The following TEX11 variants were observed in gnomAD, a reference collection of about 807,000 sequenced individuals.
TEX11 encodes the protein testis-expressed protein 11.
Under a neutral mutation model 84.4 loss-of-function variants are expected in TEX11, and 7 were observed. The ratio of observed to expected loss-of-function variants is 0.08; its 90% CI spans 0.05 to 0.16. TEX11 has a LOEUF of 0.16. Ranked by LOEUF, TEX11 falls within the 10% of genes least tolerant of loss-of-function variation. The pLI, the probability that TEX11 is intolerant of heterozygous loss-of-function variation, is 1.00. For missense variants in TEX11, 551 were observed against 660.5 expected (o/e 0.83, Z 1.82); for synonymous variants, 264 against 222.8 (o/e 1.18, Z -1.64).
chrX:70,669,046 G>T (rs1270088270), intron 16 of TEX11, among the ~76,000 whole-genome samples: 1 of 112,072 alleles, frequency 8.9e-6, no homozygotes, highest in African/African-American at 3.2e-5. Flanking sequence ...CCAACATTTA[G>T]ATTTCTCTCA....
chrX:70,735,179 A>C (rs2090686284), intron 11 of TEX11, among the ~76,000 whole-genome samples: 1 of 110,919 alleles, frequency 9.0e-6, no homozygotes. Flanking sequence ...CAGCTTCCCA[A>C]ATAGCTGGGA....
intron 9 of TEX11, among the ~76,000 whole-genome samples, chrX:70,765,955 A>G (rs900939779): frequency 8.9e-6 from 1 of 112,761 alleles, no homozygotes. Flanking sequence ...CAAAATCAAC[A>G]TATAAAAATC....
At chrX:70,719,037 T>C (rs758574465) in intron 13 of TEX11, among the ~76,000 whole-genome samples, 44 of 111,644 alleles carry the variant, frequency 3.9e-4, no homozygotes, top group African/African-American at 1.4e-3. Flanking sequence ...CAACCCAACC[T>C]GTGACAACAC....
At chrX:70,603,396 C>T (rs1187003646) in intron 24 of TEX11, among the ~76,000 whole-genome samples, 1 of 102,127 alleles carries the variant, frequency 9.8e-6, no homozygotes, top group Non-Finnish European at 2.0e-5. Context: ...AGAAATAACG[C>T]CGCATATCTA....
At chrX:70,769,258 T>C (rs1421827467) in intron 9 of TEX11, among the ~76,000 whole-genome samples, 2 of 110,821 alleles carry the variant, frequency 1.8e-5, no homozygotes, top group Admixed American at 1.9e-4. Context: ...TAAAAAACAA[T>C]AGAGAAAAAT....
intron 19 of TEX11, 69 bp from the exon 20 acceptor site, chrX:70,624,075 C>A (rs766056461): frequency 1.2e-6 from 1 of 868,131 alleles, no homozygotes; most frequent in Admixed American, 2.5e-5. Flanking sequence ...GAATACATAC[C>A]AAGTTACTAA....
At chrX:70,744,456 C>A (rs2090755619) in intron 9 of TEX11, among the ~76,000 whole-genome samples, 1 of 108,097 alleles carries the variant, frequency 9.3e-6, no homozygotes, top group Non-Finnish European at 1.9e-5. Flanking sequence ...ATCAACACTA[C>A]AATTATATTG....
chrX:70,824,052 T>G (rs1236326037), intron 8 of TEX11, among the ~76,000 whole-genome samples: 1 of 111,674 alleles, frequency 9.0e-6, no homozygotes, highest in Non-Finnish European at 1.9e-5. Context: ...ATAAATAGTG[T>G]TTTAGTTTTG....
At chrX:70,730,013 T>G (rs4529624) in intron 11 of TEX11, among the ~76,000 whole-genome samples, 8,493 of 111,781 alleles carry the variant, frequency 0.076, 282 homozygotes, top group African/African-American at 0.13. Context: ...TTCAACATTC[T>G]TAAAGAAAAG....
At chrX:70,621,552 AT>A (rs2089391281) in intron 20 of TEX11, among the ~76,000 whole-genome samples, 51 of 10,017 alleles carry the variant, frequency 5.1e-3, no homozygotes, top group Non-Finnish European at 7.3e-3. Context: ...AAAAAAAAAA[AT>A]ATATATATAT....
chrX:70,605,490 C>G lies in TEX11; in HGVS notation c.1978G>C (p.Val660Leu). 2.5e-6 allele frequency: 3 copies of G among 1,206,990 alleles called. No individual in the cohort carries two copies. Among genetic ancestry groups the G allele is most frequent in the Non-Finnish European group, 3.4e-6 (3 of 892,220 alleles). The change falls in exon 24 of 30, where the codon GTA becomes CTA. Residue 660 changes from valine (V) to leucine (L), a missense_variant. Val to Leu is a conservative substitution (Grantham distance 32). Coordinates refer to ENST00000374333, the MANE Select transcript of TEX11 (RefSeq NM_031276.3). ...KMSQFCPSDQ[V>L]ILIARKTCLL... ...CATGTTTTCCGTGCAATCAGAATTA[C>G]TTGATCAGAAGGACAAAACTGGGAC...
rs747205388 is a variant in TEX11 at position 70,907,823 on chromosome X, A to C, written c.-21-13T>G. 3 of 1,045,644 alleles carry C rather than the reference A, an allele frequency of 2.9e-6. No individual in the cohort carries two copies. Among genetic ancestry groups the C allele is most frequent in the Non-Finnish European group, 4.0e-6 (3 of 745,113 alleles). 86.2% of individuals were successfully genotyped at this position (1,045,644 alleles called of 1,213,427 possible). A position where few individuals can be genotyped will look rare whatever the true frequency, so the allele number is the denominator to read the frequency against. On this transcript the variant is annotated splice_polypyrimidine_tract_variant and intron_variant, in intron 1 of 29. Coordinates refer to ENST00000374333, the MANE Select transcript of TEX11 (RefSeq NM_031276.3). ...CTCTGGCTCAAGCCTGTGAAATAAT[A>C]ACATATTTTAATACTCTGTTTTATC... is the stretch of plus-strand genomic sequence containing the variant.
At position 70,836,109 on chromosome X, in the gene TEX11, C is replaced by CAA. The variant is rs35496948; in HGVS notation, c.526-2518_526-2517dup. Among the ~76,000 whole-genome samples the CAA allele has an allele frequency of 2.8e-3, 206 of 73,878 alleles. 1 individual carries two copies. The highest frequency in any genetic ancestry group is 4.8e-3 in the East Asian group (11 of 2,291). The allele number at this position is 73,878 out of a possible 115,157, so 64.2% of individuals were successfully genotyped here. ...TGGGCAATAGAGTGAGACTCTGTCTCAAAAAAAAAAAAAAAAAAGACAATA... is the reference window on the plus strand; with the variant it reads ...TGGGCAATAGAGTGAGACTCTGTCTCAAAAAAAAAAAAAAAAAAAAGACAATA... On this transcript the variant is annotated intron_variant, in intron 7 of 29. Coordinates refer to ENST00000374333, the MANE Select transcript of TEX11 (RefSeq NM_031276.3).
intron 28 of TEX11, among the ~76,000 whole-genome samples, chrX:70,535,457 A>G (rs1243935755): frequency 8.9e-6 from 1 of 112,140 alleles, no homozygotes; most frequent in Non-Finnish European, 1.9e-5. Flanking sequence ...AGTATAAAAT[A>G]CATATCTGCC....
chrX:70,826,297 G>A (rs1305100852), intron 8 of TEX11, among the ~76,000 whole-genome samples: 1 of 105,384 alleles, frequency 9.5e-6, no homozygotes, highest in Non-Finnish European at 1.9e-5. Flanking sequence ...GGCAACAAGA[G>A]CGAAACTCCT....
intron 17 of TEX11, among the ~76,000 whole-genome samples, chrX:70,631,863 T>C (rs1217905367): frequency 2.8e-5 from 2 of 72,102 alleles, no homozygotes; most frequent in East Asian, 8.2e-4. Flanking sequence ...CAAAGAGAAG[T>C]AAAGCCTTCC....
intron 25 of TEX11, among the ~76,000 whole-genome samples, chrX:70,571,836 G>A (rs1310622424): frequency 9.0e-6 from 1 of 111,601 alleles, no homozygotes; most frequent in Non-Finnish European, 1.9e-5. Flanking sequence ...TCAGTTAGTG[G>A]TGGACTGAAG....
intron 9 of TEX11, among the ~76,000 whole-genome samples, chrX:70,753,318 A>G (rs2090843344): frequency 9.0e-6 from 1 of 110,591 alleles, no homozygotes; most frequent in African/African-American, 3.3e-5. Flanking sequence ...GCTCAACAAG[A>G]CTCCAAAAGA....
At chrX:70,860,552 C>A (rs1236781864) in intron 5 of TEX11, among the ~76,000 whole-genome samples, 1 of 111,166 alleles carries the variant, frequency 9.0e-6, no homozygotes, top group South Asian at 3.8e-4. Context: ...TAAGTATTAC[C>A]ATTCCCTTAG....
Sources: allele counts gnomAD v4.1 joint callset (sites outside exome capture counted in the v4.1 genomes callset), GRCh38; gene constraint gnomAD v4.1.1; transcripts MANE v1.5; gene names NCBI Gene and HGNC (gene_info 2026-07-23, HGNC 2026-07-21).